The following FRMD6 variants were observed in gnomAD, a reference collection of about 807,000 sequenced individuals.
FRMD6 encodes the protein FERM domain containing 6, also known as FERM domain-containing protein 6.
Under a neutral mutation model 73.2 loss-of-function variants are expected in FRMD6, and 37 were observed. That is an observed-to-expected ratio of 0.51 (90% CI 0.39 to 0.66). FRMD6 has a LOEUF of 0.66. FRMD6 is among the 30% of genes least tolerant of loss of function. The probability of loss-of-function intolerance (pLI) is 0.00; values close to 1 mark genes in which losing one functional copy is unlikely to be tolerated. For missense variants in FRMD6, 714 were observed against 780.5 expected, an observed-to-expected ratio of 0.91 and a Z score of 1.02; for synonymous variants, 273 against 282.2, an observed-to-expected ratio of 0.97 and a Z score of 0.33.
chr14:51,422,923 AAT>A, the FRMD6 span, among the ~76,000 whole-genome samples: 1 of 152,222 alleles, frequency 6.6e-6, no homozygotes, highest in African/African-American at 2.4e-5. Context: ...TGCCTTGACC[AAT>A]GAGATGTGAG....
At chr14:51,575,319 G>A (rs894286756) in intron 2 of FRMD6, among the ~76,000 whole-genome samples, 3 of 152,164 alleles carry the variant, frequency 2.0e-5, no homozygotes, top group African/African-American at 7.2e-5. Context: ...CTTATCTATC[G>A]ACATGAAATA....
chr14:51,574,704 G>A (rs1888313607), intron 2 of FRMD6, among the ~76,000 whole-genome samples: 2 of 152,122 alleles, frequency 1.3e-5, no homozygotes, highest in South Asian at 4.1e-4. Context: ...AAGTGGGAAT[G>A]GTTAATGGGT....
the FRMD6 span, among the ~76,000 whole-genome samples, chr14:51,475,395 A>G: frequency 6.6e-6 from 1 of 152,216 alleles, no homozygotes; most frequent in Non-Finnish European, 1.5e-5. Context: ...TGTCAGGAGT[A>G]ACTTTTGCTA....
At chr14:51,576,684 A>G (rs1018361684) in intron 2 of FRMD6, among the ~76,000 whole-genome samples, 7 of 152,002 alleles carry the variant, frequency 4.6e-5, no homozygotes, top group African/African-American at 1.7e-4. Flanking sequence ...TTCAGTTTTC[A>G]TGTCTATCAT....
At chr14:51,642,308 G>A (rs1033746562) in intron 2 of FRMD6, among the ~76,000 whole-genome samples, 12 of 152,176 alleles carry the variant, frequency 7.9e-5, no homozygotes, top group African/African-American at 2.9e-4. Flanking sequence ...GGGAGGCCAA[G>A]GTGGGGGCAT....
chr14:51,412,197 T>A, the FRMD6 span, among the ~76,000 whole-genome samples: 1 of 152,322 alleles, frequency 6.6e-6, no homozygotes, highest in African/African-American at 2.4e-5. Context: ...TTTAAATATA[T>A]ATTTTTGATA....
chr14:51,517,180 G>A (rs949847821), intron 1 of FRMD6, among the ~76,000 whole-genome samples: 2 of 152,194 alleles, frequency 1.3e-5, no homozygotes, highest in Non-Finnish European at 2.9e-5. Flanking sequence ...GAAACAATCT[G>A]TAATTGACAT....
intron 1 of FRMD6, among the ~76,000 whole-genome samples, chr14:51,538,230 C>G (rs1049773295): frequency 3.9e-5 from 6 of 152,154 alleles, no homozygotes; most frequent in African/African-American, 1.4e-4. Flanking sequence ...TGTGTTAACT[C>G]TGTACATTTT....
chr14:51,617,513 A>G (rs969349381), intron 2 of FRMD6, among the ~76,000 whole-genome samples: 4 of 152,196 alleles, frequency 2.6e-5, no homozygotes, highest in Non-Finnish European at 5.9e-5. Flanking sequence ...TGGGCCTATT[A>G]TGTAACATAT....
the FRMD6 span, among the ~76,000 whole-genome samples, chr14:51,472,173 T>G: frequency 6.6e-6 from 1 of 152,104 alleles, no homozygotes; most frequent in Non-Finnish European, 1.5e-5. Flanking sequence ...AAGACCTACA[T>G]AGGACCCAGC....
intron 7 of FRMD6, 76 bp downstream of exon 7, chr14:51,708,309 G>A (rs1288525381): frequency 1.5e-6 from 2 of 1,326,756 alleles, no homozygotes; most frequent in Non-Finnish European, 2.1e-6. Context: ...GAAAACCGAA[G>A]GATTTCATTT....
intron 1 of FRMD6, among the ~76,000 whole-genome samples, chr14:51,670,229 C>A (rs1314018431): frequency 6.6e-6 from 1 of 152,158 alleles, no homozygotes; most frequent in Non-Finnish European, 1.5e-5. Context: ...CATGCACCAC[C>A]ACACATAGCT....
chr14:51,440,089 C>T, the FRMD6 span, among the ~76,000 whole-genome samples: 2 of 152,008 alleles, frequency 1.3e-5, no homozygotes, highest in South Asian at 2.1e-4. Context: ...TTAGTGTAAA[C>T]AAAAGATAAG....
At chr14:51,692,953 C>T (rs1895705894) in intron 2 of FRMD6, 1 of 152,174 alleles carries the variant, frequency 6.6e-6, no homozygotes, top group South Asian at 2.1e-4. Flanking sequence ...CCAGCACCAC[C>T]TAGTTTCTTT....
chr14:51,597,083 T>C (rs1889759628), intron 2 of FRMD6, among the ~76,000 whole-genome samples: 1 of 152,260 alleles, frequency 6.6e-6, no homozygotes, highest in Non-Finnish European at 1.5e-5. Context: ...ACCTATGATG[T>C]GCATAATCAT....
intron 1 of FRMD6, among the ~76,000 whole-genome samples, chr14:51,552,390 G>A (rs1463106799): frequency 6.6e-6 from 1 of 152,188 alleles, no homozygotes; most frequent in African/African-American, 2.4e-5. Flanking sequence ...TTAGGGATTG[G>A]ACAAACAGTT....
chr14:51,629,919 A>T (rs1248081010), intron 2 of FRMD6, among the ~76,000 whole-genome samples: 2 of 152,160 alleles, frequency 1.3e-5, no homozygotes, highest in Non-Finnish European at 2.9e-5. Context: ...CTTCTCCCAG[A>T]GGCTACTGGT....
chr14:51,565,085 C>T (rs989258098), intron 1 of FRMD6: 12 of 152,198 alleles, frequency 7.9e-5, no homozygotes, highest in Admixed American at 3.9e-4. Context: ...ACTCAAAACC[C>T]AGACCGGGTT....
At chr14:51,545,822 A>G (rs1886437494) in intron 1 of FRMD6, among the ~76,000 whole-genome samples, 1 of 152,098 alleles carries the variant, frequency 6.6e-6, no homozygotes, top group Non-Finnish European at 1.5e-5. Flanking sequence ...TTTTGTCCCT[A>G]TTTGACAATT....
Sources: allele counts gnomAD v4.1 joint callset (sites outside exome capture counted in the v4.1 genomes callset), GRCh38; gene constraint gnomAD v4.1.1; transcripts MANE v1.5; gene names NCBI Gene and HGNC (gene_info 2026-07-23, HGNC 2026-07-21).